FMN1: variants seen among roughly 807,000 people sequenced by gnomAD.
FMN1 encodes formin 1, also known as formin-1.
Under a neutral mutation model 132.4 loss-of-function variants are expected in FMN1, and 110 were observed. That is an observed-to-expected ratio of 0.83 (90% CI 0.71 to 0.97). FMN1 has a LOEUF of 0.97. Among genes scored for constraint, FMN1 ranks in the 50% least tolerant of loss-of-function variants. The pLI is 0.00. For missense variants in FMN1, 1,792 were observed against 1,705.3 expected, an observed-to-expected ratio of 1.05 and a Z score of -0.90; for synonymous variants, 722 against 651.7, an observed-to-expected ratio of 1.11 and a Z score of -1.64.
intron 2 of FMN1, among the ~76,000 whole-genome samples, chr15:33,185,568 A>ATTTTTTTTTTTTTTTTTTTTT (rs57232200): frequency 3.5e-5 from 4 of 113,408 alleles, no homozygotes; most frequent in Middle Eastern, 4.8e-3. Flanking sequence ...TAAAGTAAGA[A>ATTTTTTTTTTTTTTTTTTTTT]TTTTTTTTTT....
In FMN1 at chr15:32,768,757, G is replaced by A. The variant is rs541440297; in HGVS notation, c.*5553C>T. ...GATCAGCCTTTAGAAAAGGAGACTA[G>A]AGATTCTCAGTATATTTAAGAGAAG... On this transcript the variant is annotated 3_prime_UTR_variant, in exon 21 of 21. Transcript: ENST00000616417. The A allele has an allele frequency of 6.6e-6, 1 of 150,864 alleles. No individual in the cohort carries two copies. Among genetic ancestry groups the A allele is most frequent in the Admixed American group, 6.6e-5 (1 of 15,106 alleles). The allele number at this position is 150,864 out of a possible 1,614,324, so 9.3% of individuals were successfully genotyped here.
chr15:32,897,957 A>C (rs1351096398), intron 15 of FMN1, among the ~76,000 whole-genome samples: 1 of 152,236 alleles, frequency 6.6e-6, no homozygotes, highest in South Asian at 2.1e-4. Context: ...CGATATTCTT[A>C]ACAGAAATCA....
At chr15:33,076,634 C>G (rs912810243) in intron 5 of FMN1, among the ~76,000 whole-genome samples, 6 of 152,126 alleles carry the variant, frequency 3.9e-5, no homozygotes, top group African/African-American at 1.4e-4. Flanking sequence ...CTCCATAACT[C>G]TATGAGAAAG....
At chr15:32,943,637 A>T (rs764014785) in intron 9 of FMN1, among the ~76,000 whole-genome samples, 1 of 152,176 alleles carries the variant, frequency 6.6e-6, no homozygotes. Flanking sequence ...AAATTGTTTC[A>T]CTTATTCAAG....
At chr15:32,870,416 G>A (rs1167325563) in intron 16 of FMN1, among the ~76,000 whole-genome samples, 1 of 152,204 alleles carries the variant, frequency 6.6e-6, no homozygotes, top group Admixed American at 6.5e-5. Context: ...GGCTGCCCAA[G>A]ATCAAATTCA....
At chr15:32,954,360 T>A (rs1294905640) in intron 9 of FMN1, among the ~76,000 whole-genome samples, 4 of 152,194 alleles carry the variant, frequency 2.6e-5, no homozygotes, top group African/African-American at 9.7e-5. Flanking sequence ...CGCTAAGATA[T>A]TGCTCAATGT....
intron 9 of FMN1, among the ~76,000 whole-genome samples, chr15:32,947,194 A>C (rs575118665): frequency 2.0e-5 from 3 of 152,118 alleles, no homozygotes; most frequent in Admixed American, 2.0e-4. Flanking sequence ...ATTGTCTTTT[A>C]TTCATGAAGT....
intron 17 of FMN1, among the ~76,000 whole-genome samples, chr15:32,843,950 TAC>T (rs1407371351): frequency 6.6e-6 from 1 of 152,190 alleles, no homozygotes; most frequent in Non-Finnish European, 1.5e-5. Context: ...TCTACTCAAA[TAC>T]ACATTTTTAA....
chr15:33,126,379 G>C (rs1040406029), intron 4 of FMN1, among the ~76,000 whole-genome samples: 8 of 152,318 alleles, frequency 5.3e-5, no homozygotes, highest in Non-Finnish European at 8.8e-5. Context: ...GCAGCACGCA[G>C]TGTGCACCAA....
At chr15:32,922,373 T>C (rs2060850794) in intron 10 of FMN1, among the ~76,000 whole-genome samples, 2 of 152,242 alleles carry the variant, frequency 1.3e-5, no homozygotes, top group South Asian at 2.1e-4. Flanking sequence ...ATATGACTTT[T>C]ATGCATGACA....
chr15:32,873,748 C>T (rs955234137), intron 16 of FMN1, among the ~76,000 whole-genome samples: 6 of 151,976 alleles, frequency 3.9e-5, no homozygotes, highest in African/African-American at 1.2e-4. Flanking sequence ...TTCTGAAATG[C>T]CTATTAAACT....
At chr15:33,191,123 C>T (rs1332237255) in intron 2 of FMN1, among the ~76,000 whole-genome samples, 2 of 151,508 alleles carry the variant, frequency 1.3e-5, no homozygotes, top group African/African-American at 2.4e-5. Flanking sequence ...TGTGTTGAGA[C>T]CGTGCCACTG....
intron 9 of FMN1, among the ~76,000 whole-genome samples, chr15:32,933,196 GA>G (rs2061166424): frequency 6.6e-6 from 1 of 152,216 alleles, no homozygotes; most frequent in South Asian, 2.1e-4. Context: ...TTTGTCACAA[GA>G]TATTTTCCAA....
intron 2 of FMN1, among the ~76,000 whole-genome samples, chr15:33,190,428 C>T (rs1254116316): frequency 6.6e-6 from 1 of 152,074 alleles, no homozygotes; most frequent in Admixed American, 6.6e-5. Flanking sequence ...AGTGAATCAC[C>T]AGGGAGGGCT....
At chr15:32,785,543 A>G (rs917066775) in intron 19 of FMN1, among the ~76,000 whole-genome samples, 5 of 152,068 alleles carry the variant, frequency 3.3e-5, no homozygotes, top group Non-Finnish European at 7.4e-5. Context: ...CCTATGGGTG[A>G]TATGTTAGAA....
rs897747771 is a variant in FMN1 at position 32,823,455 on chromosome 15, C to T, written c.3929-19123G>A. 1.2e-4 allele frequency among the ~76,000 whole-genome samples: 19 copies of T among 152,234 alleles called. 1 individual carries two copies. Among genetic ancestry groups the T allele is most frequent in the Middle Eastern group, 3.4e-3 (1 of 294 alleles). ...CTGGGATTACAGGTGTGAGCCACTG[C>T]GCCCGGCCGAGAGTTTCTATCGTTA... On this transcript the variant is annotated intron_variant, in intron 17 of 20. Coordinates refer to ENST00000616417, the MANE Select transcript of FMN1 (RefSeq NM_001277313.2).
chr15:32,781,790 GAAT>G (rs1282182481), intron 19 of FMN1, among the ~76,000 whole-genome samples: 1 of 152,254 alleles, frequency 6.6e-6, no homozygotes, highest in African/African-American at 2.4e-5. Flanking sequence ...TTTAAAGTGT[GAAT>G]AATACCACAC....
chr15:32,777,278 T>C (rs2056449425), intron 19 of FMN1, among the ~76,000 whole-genome samples: 1 of 151,924 alleles, frequency 6.6e-6, no homozygotes, highest in South Asian at 2.1e-4. Context: ...TTTTGAAGAA[T>C]GAAGTTCTGA....
chr15:33,118,652 T>G (rs944736128), intron 4 of FMN1, among the ~76,000 whole-genome samples: 1 of 152,108 alleles, frequency 6.6e-6, no homozygotes, highest in Non-Finnish European at 1.5e-5. Context: ...CTAATAATGC[T>G]CATATTAAAT....
Sources: gnomAD v4.1 joint callset for allele counts (sites outside exome capture counted in the v4.1 genomes callset) on GRCh38, gnomAD v4.1.1 for gene constraint, MANE v1.5 for transcripts, NCBI Gene and HGNC (gene_info 2026-07-23, HGNC 2026-07-21) for gene names.